The following CSPG4 variants were observed in gnomAD, a reference collection of about 807,000 sequenced individuals.
CSPG4 encodes chondroitin sulfate proteoglycan 4 (melanoma-associated).
CSPG4 carries 74 observed loss-of-function variants against 139.3 expected under a neutral mutation model. The ratio of observed to expected loss-of-function variants is 0.53; its 90% CI spans 0.44 to 0.64. The LOEUF is 0.64. Ranked by LOEUF, CSPG4 falls within the 30% of genes least tolerant of loss-of-function variation. The pLI, the probability that CSPG4 is intolerant of heterozygous loss-of-function variation, is 0.00. For synonymous variants in CSPG4, 1,234 were observed against 1,394.2 expected (o/e 0.89, Z 2.56); for missense variants, 2,565 against 3,148.3 (o/e 0.81, Z 4.43).
At chr15:75,705,947 GTGTCTGTA>G (rs1406590604) in intron 1 of CSPG4, among the ~76,000 whole-genome samples, 4 of 152,198 alleles carry the variant, frequency 2.6e-5, no homozygotes, top group Admixed American at 2.6e-4. Context: ...GCATGTGTCT[GTGTCTGTA>G]TGTCTGTGTG....
rs954089699 is a variant in CSPG4, at chr15:75,696,186, T to C, written c.89-2953A>G. Among the ~76,000 whole-genome samples the C allele has an allele frequency of 3.3e-5, 5 of 152,056 alleles. No individual in the cohort carries two copies. The highest frequency in any genetic ancestry group is 1.2e-4 in the African/African-American group (5 of 41,426). Reference sequence around the variant, plus strand: ...AAATGGGCACAGTCCCTCCCACCCCTTCCCCCTCCTGACTGTGGGGATTAG... The same window carrying C: ...AAATGGGCACAGTCCCTCCCACCCCCTCCCCCTCCTGACTGTGGGGATTAG... On this transcript the variant is annotated intron_variant, in intron 1 of 9. Transcript: ENST00000308508. The surrounding 1 kb of genome is among the most constrained non-coding windows in gnomAD (Gnocchi z 4.2).
Position 75,677,391 on chromosome 15 carries a change from G to A in CSPG4, c.5135-7C>T. ...CCCTCGGGGACCCAGAGACCTGGGGGTGGGACATAGGCTATGAGGGTCCAG... is the reference window on the plus strand; with the variant it reads ...CCCTCGGGGACCCAGAGACCTGGGGATGGGACATAGGCTATGAGGGTCCAG... On this transcript the variant is annotated splice_region_variant and splice_polypyrimidine_tract_variant and intron_variant, in intron 9 of 9. Coordinates refer to ENST00000308508, the MANE Select transcript of CSPG4 (RefSeq NM_001897.5). The A allele has an allele frequency of 7.1e-7, 1 of 1,399,268 alleles. No homozygotes were observed. Among genetic ancestry groups the A allele is most frequent in the Non-Finnish European group, 9.3e-7 (1 of 1,073,738 alleles). The allele number at this position is 1,399,268 out of a possible 1,614,324, so 86.7% of individuals were successfully genotyped here. A position where few individuals can be genotyped will look rare whatever the true frequency, so the allele number is the denominator to read the frequency against.
chr15:75,690,232 G>A lies in CSPG4; in HGVS notation c.833C>T (p.Pro278Leu). Residue 278 changes from proline to leucine, a missense_variant, in exon 3 of 10, where the codon CCT becomes CTT. By Grantham distance (98) the Pro-to-Leu change is moderately conservative (BLOSUM62 -3). This residue lies in a region of CSPG4 where 2,316 missense variants were observed against 2,818.2 expected (regional missense o/e 0.82). Coordinates refer to ENST00000308508, the MANE Select transcript of CSPG4 (RefSeq NM_001897.5). ...CTCATGGGGCTGCCCATCGGCCACA[G>A]GCACACTGTTGTGGAGCAATACGGT... Reference protein sequence around the residue: ...QGTVLLHNSVPVADGQPHEVS... With the variant: ...QGTVLLHNSVLVADGQPHEVS... 1 of 1,613,404 alleles carries A rather than the reference G, an allele frequency of 6.2e-7. No individual in the cohort carries two copies. The highest frequency in any genetic ancestry group is 8.5e-7 in the Non-Finnish European group (1 of 1,179,860).
intron 1 of CSPG4, among the ~76,000 whole-genome samples, chr15:75,694,976 A>G (rs1596011116): frequency 6.6e-6 from 1 of 152,198 alleles, no homozygotes. Flanking sequence ...TAGAGCCACC[A>G]CCGTCACCTG....
In CSPG4 at chr15:75,690,279, G is replaced by A. The variant is rs780540259; in HGVS notation, c.786C>T (p.Ala262=). Residue 262 remains alanine, a synonymous_variant, in exon 3 of 10, where the codon GCC becomes GCT. Coordinates refer to ENST00000308508, the MANE Select transcript of CSPG4 (RefSeq NM_001897.5). ...CGGTACCCTGGCCCTTCTCCACCAC[G>A]GCCCGCAGGTGGCCCTCAAATATGT... ...YVDIFEGHLR[A]VVEKGQGTVL... The A allele has an allele frequency of 9.9e-6, 16 of 1,613,170 alleles. No homozygotes were observed. The highest frequency in any genetic ancestry group is 1.7e-4 in the Middle Eastern group (1 of 6,054).
Position 75,685,468 on chromosome 15 carries a change from A to G in CSPG4, c.4023T>C (p.Gly1341=). 1 of 1,612,180 alleles carries G rather than the reference A, an allele frequency of 6.2e-7. No individual in the cohort carries two copies. Among genetic ancestry groups the G allele is most frequent in the Non-Finnish European group, 8.5e-7 (1 of 1,179,886 alleles). Residue 1341 remains glycine (G), a synonymous_variant, in exon 4 of 10, where the codon GGT becomes GGC. Coordinates refer to ENST00000308508, the MANE Select transcript of CSPG4 (RefSeq NM_001897.5). ...AFSLDVASGL[G]APLEGVLVEL... ...CCACAAGGACGCCCTCGAGGGGAGC[A>G]CCCAGGCCTGAGGCCACATCCAGCG...
intron 1 of CSPG4, among the ~76,000 whole-genome samples, chr15:75,705,052 G>C (rs1323386929): frequency 6.6e-6 from 1 of 152,176 alleles, no homozygotes; most frequent in Admixed American, 6.5e-5. Flanking sequence ...ACCTGCTCTG[G>C]GGACAGGGGG....
chr15:75,696,857 C>T lies in CSPG4; in HGVS notation c.89-3624G>A, dbSNP rs1323452642. 2.0e-5 allele frequency among the ~76,000 whole-genome samples: 3 copies of T among 152,170 alleles called. No individual in the cohort carries two copies. Among genetic ancestry groups the T allele is most frequent in the African/African-American group, 7.2e-5 (3 of 41,430 alleles). ...GTCCCTTCTCAGGGGCTAGAGGAAA[C>T]CTCGGTCAAGGTCCCCAGCAAGCCC... On this transcript the variant is annotated intron_variant, in intron 1 of 9. Transcript: ENST00000308508. This position sits in a 1 kb window ranked among gnomAD's most constrained non-coding sequence, Gnocchi z 4.2.
Position 75,682,710 on chromosome 15 carries a change from G to C in CSPG4, c.4680C>G (p.Leu1560=), listed in dbSNP as rs1213166114. Reference sequence around the variant, plus strand: ...CGGGGGAAGTGTGCTCGCCGTCAGAGAGGCGGAAGCGGAAGCCTCCATCCA... The same window carrying C: ...CGGGGGAAGTGTGCTCGCCGTCAGACAGGCGGAAGCGGAAGCCTCCATCCA... ...GTLDGGFRFR[L]SDGEHTSPGH... is the part of the protein sequence containing the mutation. Residue 1560 remains leucine (L), a synonymous_variant, in exon 7 of 10, where the codon CTC becomes CTG. Coordinates refer to ENST00000308508, the MANE Select transcript of CSPG4 (RefSeq NM_001897.5). 1 of 1,613,000 alleles carries C rather than the reference G, an allele frequency of 6.2e-7. No homozygotes were observed. The highest frequency in any genetic ancestry group is 2.2e-5 in the East Asian group (1 of 44,880).
At chr15:75,678,825 C>T (rs1437981017) in intron 8 of CSPG4, 1 of 456,190 alleles carries the variant, frequency 2.2e-6, no homozygotes, top group South Asian at 1.5e-5. Flanking sequence ...GCCAAGGGCA[C>T]CAGAGGCCTC....
Position 75,698,885 on chromosome 15 carries a change from G to T in CSPG4, c.89-5652C>A, listed in dbSNP as rs192231319. ...GGGAGACTTAAGGTCAGACTAAGGG[G>T]AGCGACCTGCCCAGTGATGACACTG... On this transcript the variant is annotated intron_variant, in intron 1 of 9. Transcript: ENST00000308508. The surrounding 1 kb of genome is among the most constrained non-coding windows in gnomAD (Gnocchi z 4.3). 2.0e-5 allele frequency among the ~76,000 whole-genome samples: 3 copies of T among 152,248 alleles called. No homozygotes were observed. The highest frequency in any genetic ancestry group is 2.0e-4 in the Admixed American group (3 of 15,300).
chr15:75,711,735 T>C (rs2141444056), intron 1 of CSPG4, among the ~76,000 whole-genome samples: 1 of 152,352 alleles, frequency 6.6e-6, no homozygotes, highest in Middle Eastern at 3.4e-3. Flanking sequence ...AAGGTGTAGC[T>C]GAAGCACTGA....
At chr15:75,690,869 C>G (rs1292987764) in intron 2 of CSPG4, 57 bp from the exon 3 acceptor site, 19 of 1,534,014 alleles carry the variant, frequency 1.2e-5, no homozygotes, top group Non-Finnish European at 1.7e-5. Context: ...CATCATTTCC[C>G]TTATAAAAGC....
Position 75,687,277 on chromosome 15 carries a change from T to C in CSPG4, c.3788A>G (p.Glu1263Gly). The change falls in exon 3 of 10, where the codon GAG becomes GGG. Residue 1263 changes from glutamate (E) to glycine (G), a missense_variant and splice_region_variant. Physicochemically the swap from Glu to Gly is moderately conservative, Grantham distance 98. This residue lies in a region of CSPG4 where 2,316 missense variants were observed against 2,818.2 expected (regional missense o/e 0.82). Coordinates refer to ENST00000308508, the MANE Select transcript of CSPG4 (RefSeq NM_001897.5). The surrounding 1 kb of genome is among the most constrained non-coding windows in gnomAD (Gnocchi z 5.4). ...EAAEIRRDQL[E>G]AAQEAVPPAD... Reference sequence around the variant, plus strand: ...TGCTCACCACCTCCAACTCCTCACCTCCAGCTGGTCCCTTCTGATCTCAGC... The same window carrying C: ...TGCTCACCACCTCCAACTCCTCACCCCCAGCTGGTCCCTTCTGATCTCAGC... The C allele has an allele frequency of 6.2e-7, 1 of 1,610,356 alleles. No homozygotes were observed. Among genetic ancestry groups the C allele is most frequent in the Non-Finnish European group, 8.5e-7 (1 of 1,179,864 alleles).
chr15:75,695,692 A>G (rs1894217848), intron 1 of CSPG4, among the ~76,000 whole-genome samples: 1 of 152,020 alleles, frequency 6.6e-6, no homozygotes, highest in African/African-American at 2.4e-5. Flanking sequence ...GGGGCTTCAA[A>G]TGGAGAGGGT....
rs1411228754 is a variant in CSPG4 at position 75,678,941 on chromosome 15, A to G, written c.4951-1055T>C. On this transcript the variant is annotated intron_variant, in intron 8 of 9. Coordinates refer to ENST00000308508, the MANE Select transcript of CSPG4 (RefSeq NM_001897.5). ...CCAAGAGAGCCACAGGCTCTGGGATACTTCACTCTGGGGTTCCTCCTACCT... is the reference window on the plus strand; with the variant it reads ...CCAAGAGAGCCACAGGCTCTGGGATGCTTCACTCTGGGGTTCCTCCTACCT... The G allele has an allele frequency of 1.4e-5, 5 of 364,752 alleles. No individual in the cohort carries two copies. In the East Asian group the frequency reaches 3.7e-4, roughly 27 times the overall value. 22.6% of individuals were successfully genotyped at this position (364,752 alleles called of 1,614,324 possible).
At chr15:75,692,831 C>T (rs1000967703) in intron 2 of CSPG4, among the ~76,000 whole-genome samples, 1 of 152,176 alleles carries the variant, frequency 6.6e-6, no homozygotes, top group Admixed American at 6.6e-5. Flanking sequence ...GCTGTCAGAG[C>T]ACAAAGGGCC....
At chr15:75,703,336 C>T (rs1242351247) in intron 1 of CSPG4, among the ~76,000 whole-genome samples, 15 of 150,532 alleles carry the variant, frequency 1.0e-4, no homozygotes, top group Admixed American at 2.6e-4. Flanking sequence ...CTCTGCAGCC[C>T]GGGTGACCCT....
In CSPG4 at chr15:75,676,884, C is replaced by T. The variant is rs772717169; in HGVS notation, c.5635G>A (p.Gly1879Ser). Residue 1879 changes from glycine to serine, a missense_variant, in exon 10 of 10, where the codon GGC becomes AGC. This residue lies in a region of CSPG4 where 2,316 missense variants were observed against 2,818.2 expected (regional missense o/e 0.82). Coordinates refer to ENST00000308508, the MANE Select transcript of CSPG4 (RefSeq NM_001897.5). ...EYEVQRAPHN[G>S]FLSLVGGGLG... ...CCACCACCCACCAGGCTGAGGAAGC[C>T]GTTGTGGGGTGCCCGCTGGACCTCG... The T allele has an allele frequency of 3.8e-6, 6 of 1,591,380 alleles. No individual in the cohort carries two copies. The highest frequency in any genetic ancestry group is 5.1e-6 in the Non-Finnish European group (6 of 1,169,348).
Sources: allele counts gnomAD v4.1 joint callset (sites outside exome capture counted in the v4.1 genomes callset), GRCh38; gene constraint gnomAD v4.1.1; regional missense constraint gnomAD v4.1.1; non-coding constraint Gnocchi (gnomAD v3.1); transcripts MANE v1.5; gene names NCBI Gene and HGNC (gene_info 2026-07-23, HGNC 2026-07-21).